The following LARGE1 variants were observed in gnomAD, a reference collection of about 807,000 sequenced individuals.
LARGE1 encodes the protein LARGE xylosyl- and glucuronyltransferase 1.
LARGE1 carries 43 observed loss-of-function variants against 87.6 expected under a neutral mutation model. The observed-to-expected ratio is 0.49, with a 90% CI of 0.38 to 0.63. The LOEUF (loss-of-function observed/expected upper bound fraction) is 0.63, where lower values mean the gene tolerates loss of function less well. Ranked by LOEUF, LARGE1 falls within the 30% of genes least tolerant of loss-of-function variation. The probability of loss-of-function intolerance (pLI) is 0.00; values close to 1 mark genes in which losing one functional copy is unlikely to be tolerated. For missense variants in LARGE1, 802 were observed against 1,000.2 expected (o/e 0.80, Z 2.67); for synonymous variants, 434 against 394.6 (o/e 1.10, Z -1.18).
At chr22:33,690,626 G>C (rs1158503247) in intron 2 of LARGE1, among the ~76,000 whole-genome samples, 5 of 151,692 alleles carry the variant, frequency 3.3e-5, no homozygotes, top group Non-Finnish European at 5.9e-5. Flanking sequence ...TTCCTTGTAG[G>C]GTGAGGGCAG....
chr22:33,357,656 T>C (rs985457343), intron 9 of LARGE1, among the ~76,000 whole-genome samples: 1 of 151,976 alleles, frequency 6.6e-6, no homozygotes, highest in African/African-American at 2.4e-5. Context: ...TAGCCAGGCA[T>C]GGTGGCCCAT....
At chr22:33,834,008 G>T (rs2146353915) in intron 1 of LARGE1, among the ~76,000 whole-genome samples, 2 of 152,240 alleles carry the variant, frequency 1.3e-5, no homozygotes, top group South Asian at 4.1e-4. Flanking sequence ...CATTTTAGCA[G>T]AACACTGGAA....
intron 6 of LARGE1, among the ~76,000 whole-genome samples, chr22:33,501,790 T>C (rs2070451270): frequency 2.6e-5 from 4 of 152,054 alleles, no homozygotes; most frequent in Admixed American, 2.6e-4. Flanking sequence ...CGGCTTATAG[T>C]CTAGTGGGTG....
At chr22:33,757,455 C>A (rs1481263992) in intron 2 of LARGE1, among the ~76,000 whole-genome samples, 2 of 152,110 alleles carry the variant, frequency 1.3e-5, no homozygotes, top group Non-Finnish European at 2.9e-5. Flanking sequence ...AAACGAAGGC[C>A]TACCATGAAG....
At chr22:33,276,315 T>C (rs932301897) in intron 14 of LARGE1, among the ~76,000 whole-genome samples, 74 of 152,088 alleles carry the variant, frequency 4.9e-4, no homozygotes, top group African/African-American at 1.7e-3. Flanking sequence ...GGCTGAAAAA[T>C]TGAAGCATGT....
At chr22:33,784,922 T>TACACGTGTATAC (rs2085554032) in intron 1 of LARGE1, among the ~76,000 whole-genome samples, 1 of 151,204 alleles carries the variant, frequency 6.6e-6, no homozygotes, top group African/African-American at 2.4e-5. Context: ...TGTGTGTATA[T>TACACGTGTATAC]ACATATATGT....
intron 11 of LARGE1, among the ~76,000 whole-genome samples, chr22:33,260,890 GCT>G (rs1927589630): frequency 6.6e-6 from 1 of 152,164 alleles, no homozygotes; most frequent in Non-Finnish European, 1.5e-5. Context: ...CATCCTGGCT[GCT>G]CTCTCTTGCT....
At chr22:33,448,371 A>T (rs1354378638) in intron 6 of LARGE1, among the ~76,000 whole-genome samples, 4 of 152,352 alleles carry the variant, frequency 2.6e-5, no homozygotes, top group Non-Finnish European at 2.9e-5. Context: ...ATATCAAAAC[A>T]TCGGCTTATA....
the LARGE1 span, among the ~76,000 whole-genome samples, chr22:33,151,921 A>G: frequency 7.6e-5 from 11 of 144,428 alleles, no homozygotes; most frequent in African/African-American, 2.9e-4. Flanking sequence ...TGATTTTAGT[A>G]TTGGGCAATG....
intron 11 of LARGE1, among the ~76,000 whole-genome samples, chr22:33,169,890 C>G (rs946085680): frequency 6.6e-6 from 1 of 151,986 alleles, no homozygotes; most frequent in Admixed American, 6.6e-5. Context: ...TTACATAGCA[C>G]TGAGACACCA....
rs562101737 is a variant in LARGE1 at position 33,305,269 on chromosome 22, A to C, written c.1452-762T>G. Among the ~76,000 whole-genome samples, 79 of 151,794 alleles carry C rather than the reference A, an allele frequency of 5.2e-4. No homozygotes were observed. The Middle Eastern group carries it at 0.01, about 20-fold the overall frequency. ...TGCATCACTCGTCTTCAGAGCCCCT[A>C]CTACCCCAGGGCGCCAGGCAACTGT... On this transcript the variant is annotated intron_variant, in intron 11 of 14. Coordinates refer to ENST00000397394, the MANE Select transcript of LARGE1 (RefSeq NM_133642.5).
chr22:33,897,295 A>G (rs185131378), intron 1 of LARGE1, among the ~76,000 whole-genome samples: 1 of 151,664 alleles, frequency 6.6e-6, no homozygotes, highest in Admixed American at 6.6e-5. Flanking sequence ...CCACATACCT[A>G]CTCCTCCGCT....
intron 11 of LARGE1, among the ~76,000 whole-genome samples, chr22:33,233,692 AC>A (rs1926119751): frequency 6.6e-6 from 1 of 152,092 alleles, no homozygotes; most frequent in East Asian, 1.9e-4. Context: ...GTAGTTTGAG[AC>A]CCTGGAGATA....
downstream of LARGE1, among the ~76,000 whole-genome samples, chr22:33,269,617 G>A (rs1008584100): frequency 3.9e-5 from 6 of 152,132 alleles, 1 homozygote; most frequent in Non-Finnish European, 8.8e-5. Flanking sequence ...CATTGTCCTG[G>A]CCTCATTGAT....
At chr22:33,331,418 T>A (rs1937681105) in intron 10 of LARGE1, among the ~76,000 whole-genome samples, 1 of 151,532 alleles carries the variant, frequency 6.6e-6, no homozygotes. Context: ...ATCTTTTTTT[T>A]TTTTTTTTGA....
chr22:33,761,579 G>A (rs1280703827), intron 1 of LARGE1, 21 bp from the exon 2 acceptor site: 1 of 882,580 alleles, frequency 1.1e-6, no homozygotes, highest in African/African-American at 1.7e-5. Context: ...GAGCAAAGAG[G>A]AAGGCCTGAG....
chr22:33,677,751 C>T (rs2081624984), intron 2 of LARGE1, among the ~76,000 whole-genome samples: 1 of 110,834 alleles, frequency 9.0e-6, no homozygotes, highest in South Asian at 2.5e-4. Flanking sequence ...CTGAGTCAGC[C>T]TCTCCTGTCC....
the LARGE1 span, among the ~76,000 whole-genome samples, chr22:33,103,731 A>G: frequency 6.6e-6 from 1 of 152,138 alleles, no homozygotes; most frequent in Admixed American, 6.5e-5. Flanking sequence ...ATGACTTTGG[A>G]AGTTTATATG....
chr22:33,615,908 C>T (rs2079568022), intron 4 of LARGE1, among the ~76,000 whole-genome samples: 2 of 152,048 alleles, frequency 1.3e-5, no homozygotes, highest in Non-Finnish European at 2.9e-5. Context: ...CCAACAAGCA[C>T]ACGAAAAGAC....
Sources: gnomAD v4.1 joint callset for allele counts (sites outside exome capture counted in the v4.1 genomes callset) on GRCh38, gnomAD v4.1.1 for gene constraint, MANE v1.5 for transcripts, NCBI Gene and HGNC (gene_info 2026-07-23, HGNC 2026-07-21) for gene names.